SGCZ: variants seen among roughly 807,000 people sequenced by gnomAD.
SGCZ encodes zeta-sarcoglycan.
A neutral mutation model predicts 41.3 loss-of-function variants in SGCZ; 40 were observed. The observed-to-expected ratio is 0.97, with a 90% CI of 0.75 to 1.26. The LOEUF (loss-of-function observed/expected upper bound fraction) is 1.26, where lower values mean the gene tolerates loss of function less well. Among genes scored for constraint, SGCZ ranks in the 50% most tolerant of loss-of-function variants. The pLI, the probability that SGCZ is intolerant of heterozygous loss-of-function variation, is 0.00. For missense variants in SGCZ, 552 were observed against 369.8 expected, an observed-to-expected ratio of 1.49 and a Z score of -4.04; for synonymous variants, 206 against 137.5, an observed-to-expected ratio of 1.50 and a Z score of -3.49.
At chr8:14,796,325 C>A (rs1477496591) in intron 1 of SGCZ, among the ~76,000 whole-genome samples, 1 of 152,056 alleles carries the variant, frequency 6.6e-6, no homozygotes, top group Non-Finnish European at 1.5e-5. Flanking sequence ...TCTATGTTGT[C>A]CAGGCTGGTA....
At chr8:14,185,255 T>A (rs770265747) in intron 4 of SGCZ, among the ~76,000 whole-genome samples, 1 of 151,886 alleles carries the variant, frequency 6.6e-6, no homozygotes, top group Non-Finnish European at 1.5e-5. Context: ...TACAAAAAAA[T>A]TAGCTGCACA....
At chr8:14,467,232 G>C (rs1289412879) in intron 2 of SGCZ, among the ~76,000 whole-genome samples, 1 of 151,772 alleles carries the variant, frequency 6.6e-6, no homozygotes, top group African/African-American at 2.4e-5. Context: ...GAAGATGCTA[G>C]TCTTTAATAC....
At chr8:14,758,989 C>A (rs959692921) in intron 1 of SGCZ, among the ~76,000 whole-genome samples, 9 of 135,572 alleles carry the variant, frequency 6.6e-5, no homozygotes, top group Middle Eastern at 4.3e-3. Flanking sequence ...GCCTGGGCAA[C>A]AGGAGTGAAA....
intron 1 of SGCZ, among the ~76,000 whole-genome samples, chr8:14,733,433 C>A (rs563243553): frequency 6.6e-6 from 1 of 152,298 alleles, no homozygotes; most frequent in Non-Finnish European, 1.5e-5. Context: ...GAAATCGGTG[C>A]AGACAAAAAC....
At chr8:14,350,000 C>A (rs888394079) in intron 2 of SGCZ, among the ~76,000 whole-genome samples, 1 of 152,104 alleles carries the variant, frequency 6.6e-6, no homozygotes, top group East Asian at 1.9e-4. Flanking sequence ...TCCTTTATGG[C>A]ATAAGAACTA....
At chr8:15,217,236 T>C (rs930581559) in intron 1 of SGCZ, among the ~76,000 whole-genome samples, 6 of 151,442 alleles carry the variant, frequency 4.0e-5, no homozygotes, top group African/African-American at 1.5e-4. Flanking sequence ...GCTAACACGG[T>C]GAAACCCCGT....
At position 14,253,763 on chromosome 8, in the gene SGCZ, C is replaced by G. The variant is rs533474203; in HGVS notation, c.337-16084G>C. On this transcript the variant is annotated intron_variant, in intron 3 of 7. Transcript: ENST00000382080. Reference sequence around the variant, plus strand: ...ATTCTTGCTTTACAGAACGAGCTATCTATATTAAAACAGTAGAAACAACTA... The same window carrying G: ...ATTCTTGCTTTACAGAACGAGCTATGTATATTAAAACAGTAGAAACAACTA... Among the ~76,000 whole-genome samples the G allele has an allele frequency of 3.9e-5, 6 of 152,118 alleles. No individual in the cohort carries two copies. In the South Asian group the frequency reaches 1.0e-3, roughly 26 times the overall value.
intron 2 of SGCZ, among the ~76,000 whole-genome samples, chr8:14,494,999 T>C (rs1375978141): frequency 1.3e-5 from 2 of 152,200 alleles, no homozygotes; most frequent in Admixed American, 6.5e-5. Context: ...CGTAACCTTA[T>C]ATCCATGTGT....
intron 1 of SGCZ, among the ~76,000 whole-genome samples, chr8:14,784,913 A>AAAATATATATATATAT (rs1408574493): frequency 1.1e-5 from 1 of 88,038 alleles, no homozygotes; most frequent in Non-Finnish European, 2.1e-5. Flanking sequence ...AAAAAAAAAA[A>AAAATATATATATATAT]ATATATATAT....
intron 5 of SGCZ, among the ~76,000 whole-genome samples, chr8:14,131,266 C>T (rs899228742): frequency 2.6e-5 from 4 of 152,110 alleles, no homozygotes; most frequent in African/African-American, 7.2e-5. Context: ...GAGCAAAGAA[C>T]GCAGCCTTTG....
chr8:14,971,110 A>G (rs1019402615), intron 1 of SGCZ, among the ~76,000 whole-genome samples: 1 of 152,166 alleles, frequency 6.6e-6, no homozygotes, highest in Non-Finnish European at 1.5e-5. Context: ...GATTCTGTAT[A>G]TCGATTTTTA....
At chr8:14,738,689 C>A (rs1350571518) in intron 1 of SGCZ, among the ~76,000 whole-genome samples, 2 of 151,974 alleles carry the variant, frequency 1.3e-5, no homozygotes, top group African/African-American at 4.8e-5. Flanking sequence ...ATTAAGATTC[C>A]TTCAGAGGAG....
chr8:15,110,766 C>T (rs536050454), intron 1 of SGCZ, among the ~76,000 whole-genome samples: 27 of 152,140 alleles, frequency 1.8e-4, no homozygotes, highest in African/African-American at 6.5e-4. Flanking sequence ...GTCAGGAGTT[C>T]GAGACCAGCC....
At chr8:14,876,587 G>T (rs1804364599) in intron 1 of SGCZ, among the ~76,000 whole-genome samples, 1 of 152,154 alleles carries the variant, frequency 6.6e-6, no homozygotes, top group African/African-American at 2.4e-5. Flanking sequence ...GATGGTGTAT[G>T]AAATATCTCG....
intron 1 of SGCZ, among the ~76,000 whole-genome samples, chr8:14,664,841 C>T (rs17119984): frequency 0.049 from 7,403 of 152,060 alleles, 297 homozygotes; most frequent in African/African-American, 0.11. Context: ...CATCTGCTTC[C>T]AAATATCTCA....
At chr8:14,946,005 C>CATATAT (rs34647526) in intron 1 of SGCZ, among the ~76,000 whole-genome samples, 238 of 14,868 alleles carry the variant, frequency 0.016, 15 homozygotes, top group Admixed American at 0.021. Flanking sequence ...TAAATGTCCC[C>CATATAT]ATATATATAT....
intron 1 of SGCZ, among the ~76,000 whole-genome samples, chr8:14,877,365 T>C (rs1804404715): frequency 6.6e-6 from 1 of 152,206 alleles, no homozygotes; most frequent in African/African-American, 2.4e-5. Context: ...ATATTTAAAA[T>C]AATGTATATT....
intron 1 of SGCZ, among the ~76,000 whole-genome samples, chr8:14,800,032 G>A (rs1273260075): frequency 6.6e-6 from 1 of 152,146 alleles, no homozygotes; most frequent in Non-Finnish European, 1.5e-5. Flanking sequence ...CCACTGTTTT[G>A]CACAGAGGTT....
At chr8:14,396,639 C>G (rs1211546117) in intron 2 of SGCZ, among the ~76,000 whole-genome samples, 2 of 151,946 alleles carry the variant, frequency 1.3e-5, no homozygotes, top group Non-Finnish European at 2.9e-5. Flanking sequence ...TCTAGACAAC[C>G]TGGTAGCTAA....
Sources: allele counts gnomAD v4.1 joint callset (sites outside exome capture counted in the v4.1 genomes callset), GRCh38; gene constraint gnomAD v4.1.1; transcripts MANE v1.5; gene names NCBI Gene and HGNC (gene_info 2026-07-23, HGNC 2026-07-21).